The following SLC22A23 variants were observed in gnomAD, a reference collection of about 807,000 sequenced individuals.
SLC22A23 encodes ion transporter protein.
In SLC22A23, 26 loss-of-function variants were observed where a neutral mutation model predicts 61.0. The observed-to-expected ratio is 0.43, with a 90% CI of 0.31 to 0.59. The LOEUF is 0.59. SLC22A23 is among the 20% of genes least tolerant of loss of function. The pLI, the probability that SLC22A23 is intolerant of heterozygous loss-of-function variation, is 0.11. For missense variants in SLC22A23, 796 were observed against 934.7 expected (o/e 0.85, Z 1.94); for synonymous variants, 430 against 413.9 (o/e 1.04, Z -0.47).
chr6:3,361,827 A>G (rs1765467116), intron 3 of SLC22A23, among the ~76,000 whole-genome samples: 1 of 152,238 alleles, frequency 6.6e-6, no homozygotes, highest in Non-Finnish European at 1.5e-5. Flanking sequence ...ACACCTGTCA[A>G]GCGGGAAACA....
intron 6 of SLC22A23, among the ~76,000 whole-genome samples, chr6:3,288,415 T>C (rs1471901290): frequency 6.6e-6 from 1 of 152,236 alleles, no homozygotes; most frequent in Admixed American, 6.5e-5. Flanking sequence ...GCCTTTCCTC[T>C]TGGGAAATAG....
At chr6:3,417,538 A>T (rs1171542748) in intron 1 of SLC22A23, among the ~76,000 whole-genome samples, 2 of 152,234 alleles carry the variant, frequency 1.3e-5, no homozygotes, top group African/African-American at 2.4e-5. Flanking sequence ...TGATTGCTCC[A>T]GTGGTCCTCA....
intron 3 of SLC22A23, among the ~76,000 whole-genome samples, chr6:3,345,273 A>C (rs1764358366): frequency 6.6e-6 from 1 of 152,176 alleles, no homozygotes; most frequent in Admixed American, 6.5e-5. Context: ...TATATAGTCC[A>C]TCTCCAGTCA....
intron 1 of SLC22A23, chr6:3,438,347 G>A (rs913027623): frequency 9.2e-5 from 33 of 359,110 alleles, no homozygotes; most frequent in East Asian, 3.8e-4. Context: ...TTTCGGAGCC[G>A]GCAAAGCCAC....
chr6:3,332,783 A>T (rs984038782), intron 3 of SLC22A23, among the ~76,000 whole-genome samples: 1 of 151,544 alleles, frequency 6.6e-6, no homozygotes, highest in African/African-American at 2.4e-5. Context: ...TTTTTTTTTT[A>T]AATCAGGATC....
intron 3 of SLC22A23, among the ~76,000 whole-genome samples, chr6:3,325,805 A>G (rs1459434115): frequency 1.3e-5 from 2 of 152,276 alleles, no homozygotes; most frequent in Non-Finnish European, 1.5e-5. Flanking sequence ...TTGGAAGCTC[A>G]GCATGGGCTA....
intron 8 of SLC22A23, among the ~76,000 whole-genome samples, chr6:3,284,783 A>G (rs1648269857): frequency 6.6e-6 from 1 of 152,224 alleles, no homozygotes; most frequent in Non-Finnish European, 1.5e-5. Context: ...CCTAAGACAA[A>G]GCATGTTGGC....
At chr6:3,449,363 C>T (rs1772062188) in intron 1 of SLC22A23, among the ~76,000 whole-genome samples, 1 of 152,064 alleles carries the variant, frequency 6.6e-6, no homozygotes, top group Non-Finnish European at 1.5e-5. Flanking sequence ...ATATCATGTA[C>T]AAAATTTAAA....
chr6:3,345,470 A>AT (rs1232691535), intron 3 of SLC22A23, among the ~76,000 whole-genome samples: 1 of 147,846 alleles, frequency 6.8e-6, no homozygotes, highest in African/African-American at 2.5e-5. Flanking sequence ...GGTTCAAGTG[A>AT]TTCTCCTGCC....
Position 3,298,158 on chromosome 6 carries a change from C to T in SLC22A23, c.1143G>A (p.Arg381=). 1 of 1,592,382 alleles carries T rather than the reference C, an allele frequency of 6.3e-7. No homozygotes were observed. The highest frequency in any genetic ancestry group is 8.5e-7 in the Non-Finnish European group (1 of 1,171,882). The change falls in exon 5 of 10, where the codon AGG becomes AGA. Residue 381 remains arginine (R), a synonymous_variant. Transcript: ENST00000406686. The part of the protein sequence containing the change: ...MATQQFESAK[R]LILHFTQKNR... Reference sequence around the variant, plus strand: ...TCTTCTGTGTGAAGTGGAGGATCAGCCTCTTTGCAGACTCAAACTGCTGGG... The same window carrying T: ...TCTTCTGTGTGAAGTGGAGGATCAGTCTCTTTGCAGACTCAAACTGCTGGG...
intron 7 of SLC22A23, among the ~76,000 whole-genome samples, chr6:3,285,968 T>C (rs1759957155): frequency 6.6e-6 from 1 of 152,192 alleles, no homozygotes. Flanking sequence ...GTCCTGCCTG[T>C]TCACGTCGCG....
rs1480523369 is a variant in SLC22A23 at position 3,271,114 on chromosome 6, G to A, written c.*1941C>T. ...CTTTATAGCAAGTACTCCAAAAAAGGTAAAAGGAATTTCACAAGTTTGGCA... is the reference window on the plus strand; with the variant it reads ...CTTTATAGCAAGTACTCCAAAAAAGATAAAAGGAATTTCACAAGTTTGGCA... On this transcript the variant is annotated 3_prime_UTR_variant, in exon 10 of 10. Transcript: ENST00000406686. 1 of 152,466 alleles carries A rather than the reference G, an allele frequency of 6.6e-6. No homozygotes were observed. The highest frequency in any genetic ancestry group is 6.5e-5 in the Admixed American group (1 of 15,284). The allele number at this position is 152,466 out of a possible 1,614,324, so 9.4% of individuals were successfully genotyped here.
intron 9 of SLC22A23, among the ~76,000 whole-genome samples, chr6:3,275,110 T>C: frequency 6.6e-6 from 1 of 152,334 alleles, no homozygotes; most frequent in South Asian, 2.1e-4. Flanking sequence ...CAGTGTGGTG[T>C]TGGTGTATAT....
At chr6:3,455,881 G>A (rs1561637717) in intron 1 of SLC22A23, 25 bp downstream of exon 1, 2 of 1,475,332 alleles carry the variant, frequency 1.4e-6, no homozygotes, top group African/African-American at 2.8e-5. Flanking sequence ...GAGGGTTGGA[G>A]GGACTGGGCG....
intron 9 of SLC22A23, among the ~76,000 whole-genome samples, chr6:3,281,697 G>A (rs77769256): frequency 7.6e-4 from 115 of 152,186 alleles, no homozygotes; most frequent in African/African-American, 2.6e-3. Flanking sequence ...TAGGGCCTCC[G>A]TGGGAATTGT....
At chr6:3,303,031 AT>A (rs1393556918) in intron 4 of SLC22A23, 1 of 152,328 alleles carries the variant, frequency 6.6e-6, no homozygotes, top group African/African-American at 2.4e-5. Flanking sequence ...AAACAACCTG[AT>A]TTTTAAAATG....
chr6:3,428,136 A>G (rs1430456091), intron 1 of SLC22A23, among the ~76,000 whole-genome samples: 2 of 152,244 alleles, frequency 1.3e-5, no homozygotes, highest in East Asian at 3.8e-4. Flanking sequence ...AGTAGAGAAC[A>G]CATGTCACAA....
intron 4 of SLC22A23, among the ~76,000 whole-genome samples, chr6:3,316,873 C>G (rs772197151): frequency 6.6e-6 from 1 of 152,160 alleles, no homozygotes; most frequent in Non-Finnish European, 1.5e-5. Context: ...GCTGTGCTCA[C>G]GTGATCTTCC....
intron 5 of SLC22A23, among the ~76,000 whole-genome samples, chr6:3,293,031 A>G (rs1760749884): frequency 6.6e-6 from 1 of 152,212 alleles, no homozygotes; most frequent in South Asian, 2.1e-4. Flanking sequence ...CTCCGAGGAC[A>G]GCAGAGGACG....
Sources: gnomAD v4.1 joint callset for allele counts (sites outside exome capture counted in the v4.1 genomes callset) on GRCh38, gnomAD v4.1.1 for gene constraint, MANE v1.5 for transcripts, NCBI Gene and HGNC (gene_info 2026-07-23, HGNC 2026-07-21) for gene names.